Variants in RBFOX1 observed in about 807,000 individuals in gnomAD.
The protein encoded by RBFOX1 is RNA binding fox-1 homolog 1.
A neutral mutation model predicts 57.7 loss-of-function variants in RBFOX1; 8 were observed. That is an observed-to-expected ratio of 0.14 (90% CI 0.08 to 0.25). The LOEUF (loss-of-function observed/expected upper bound fraction) is 0.25, where lower values mean the gene tolerates loss of function less well. Ranked by LOEUF, RBFOX1 falls within the 10% of genes least tolerant of loss-of-function variation. RBFOX1 has a pLI of 1.00. For missense variants in RBFOX1, 611 were observed against 548.5 expected, an observed-to-expected ratio of 1.11 and a Z score of -1.14; for synonymous variants, 326 against 222.4, an observed-to-expected ratio of 1.47 and a Z score of -4.15.
intron 11 of RBFOX1, among the ~76,000 whole-genome samples, chr16:7,636,117 C>G (rs1454098922): frequency 3.3e-5 from 5 of 152,218 alleles, no homozygotes; most frequent in Admixed American, 6.5e-5. Context: ...GCCCAAGCTA[C>G]CTCTTTTTCT....
intron 4 of RBFOX1, among the ~76,000 whole-genome samples, chr16:7,307,325 C>A (rs2096213510): frequency 6.6e-6 from 1 of 152,208 alleles, no homozygotes; most frequent in Non-Finnish European, 1.5e-5. Flanking sequence ...AACATCCAAC[C>A]TTTCCTCCTA....
intron 1 of RBFOX1, among the ~76,000 whole-genome samples, chr16:6,226,124 C>A (rs1437436868): frequency 1.3e-5 from 2 of 150,752 alleles, no homozygotes; most frequent in Non-Finnish European, 2.9e-5. Flanking sequence ...CTTTGGGAGG[C>A]CGAGGTGGGA....
At chr16:6,265,595 T>C (rs764599415) in intron 1 of RBFOX1, among the ~76,000 whole-genome samples, 1 of 152,212 alleles carries the variant, frequency 6.6e-6, no homozygotes, top group Non-Finnish European at 1.5e-5. Flanking sequence ...CAACATTTAT[T>C]AAACATTTAA....
chr16:5,263,020 C>A (rs2062772438), intron 1 of RBFOX1, among the ~76,000 whole-genome samples: 1 of 150,110 alleles, frequency 6.7e-6, no homozygotes, highest in African/African-American at 2.4e-5. Context: ...GAGATCATTA[C>A]AAATCTTTGG....
chr16:5,944,790 T>TAAAAAAAA lies in RBFOX1; in HGVS notation c.351+77467_351+77474dup, dbSNP rs60749168. On this transcript the variant is annotated intron_variant, in intron 4 of 19. Coordinates refer to the RBFOX1 transcript ENST00000641259. The stretch of plus-strand genomic sequence containing the variant: ...CAACTTGGTGAAACCCTGTCTCTGC[T>TAAAAAAAA]AAAAAAAAAAAAAAAAAAATTAGCT... Among the ~76,000 whole-genome samples, 75 of 41,250 alleles carry TAAAAAAAA rather than the reference T, an allele frequency of 1.8e-3. 7 individuals carry two copies. The highest frequency in any genetic ancestry group is 0.053 in the Middle Eastern group (2 of 38). The allele number at this position is 41,250 out of a possible 152,430, so 27.1% of individuals were successfully genotyped here.
intron 5 of RBFOX1, among the ~76,000 whole-genome samples, chr16:7,525,832 G>T (rs941428677): frequency 5.9e-5 from 9 of 152,268 alleles, no homozygotes; most frequent in Admixed American, 5.9e-4. Context: ...GGGAGAAAGA[G>T]GTTGAAGATG....
At chr16:6,215,202 A>C (rs1404756358) in intron 1 of RBFOX1, among the ~76,000 whole-genome samples, 1 of 79,968 alleles carries the variant, frequency 1.3e-5, no homozygotes, top group African/African-American at 4.9e-5. Context: ...GAGGAGGATA[A>C]GGAGAGGGAG....
intron 2 of RBFOX1, among the ~76,000 whole-genome samples, chr16:6,527,945 A>G (rs2096604010): frequency 6.6e-6 from 1 of 152,066 alleles, no homozygotes; most frequent in Non-Finnish European, 1.5e-5. Context: ...CCCTTTTCCC[A>G]TGGCATCGCT....
intron 3 of RBFOX1, among the ~76,000 whole-genome samples, chr16:6,886,949 C>A (rs1182196321): frequency 6.6e-6 from 1 of 151,032 alleles, no homozygotes; most frequent in Non-Finnish European, 1.5e-5. Context: ...TCTTTGTAAT[C>A]AATTTAAAAT....
chr16:7,051,439 A>G (rs550245736), intron 3 of RBFOX1, among the ~76,000 whole-genome samples: 11 of 152,358 alleles, frequency 7.2e-5, no homozygotes, highest in African/African-American at 2.6e-4. Context: ...TGGCATATGT[A>G]TTGCTAATAC....
At chr16:6,832,650 G>A (rs1429145636) in intron 3 of RBFOX1, among the ~76,000 whole-genome samples, 1 of 152,114 alleles carries the variant, frequency 6.6e-6, no homozygotes. Context: ...TTGCTGCCAT[G>A]CCTGTGCACT....
chr16:6,311,576 T>C (rs1166452097), intron 1 of RBFOX1, among the ~76,000 whole-genome samples: 2 of 152,154 alleles, frequency 1.3e-5, no homozygotes, highest in Non-Finnish European at 2.9e-5. Context: ...TGACTGTCCT[T>C]AGAAAAGCAA....
In RBFOX1 at chr16:7,021,930, TTTTCTTTTCTTTC is replaced by T. The variant is rs1163141363; in HGVS notation, c.-15-30112_-15-30100del. On this transcript the variant is annotated intron_variant, in intron 3 of 15. Transcript: ENST00000550418. ...TTTCTTTCTTTTCTTTCTTTCTTTA[TTTTCTTTTCTTTC>T]TTTCTTTTCTTTCTCTCTCTCTCTC... Among the ~76,000 whole-genome samples the T allele has an allele frequency of 2.1e-3, 306 of 146,496 alleles. 1 individual carries two copies. The highest frequency in any genetic ancestry group is 7.5e-3 in the African/African-American group (293 of 39,004).
chr16:6,980,506 T>G (rs2088466194), intron 3 of RBFOX1, among the ~76,000 whole-genome samples: 1 of 152,194 alleles, frequency 6.6e-6, no homozygotes, highest in Non-Finnish European at 1.5e-5. Flanking sequence ...CTAGGCCCAC[T>G]GGTTATCCAT....
chr16:5,782,325 T>C (rs1200670829), intron 3 of RBFOX1, among the ~76,000 whole-genome samples: 2 of 152,210 alleles, frequency 1.3e-5, no homozygotes, highest in African/African-American at 4.8e-5. Context: ...TGGTGCTTCA[T>C]CCAAGAATGT....
chr16:6,475,068 T>C lies in RBFOX1; in HGVS notation c.-64+158011T>C, dbSNP rs923945847. On this transcript the variant is annotated intron_variant, in intron 2 of 15. Transcript: ENST00000550418. ...ACATCCCAATTGTGTGCTTATAATG[T>C]TTTAGTTCTATATGCAGTAGAAAAT... Among the ~76,000 whole-genome samples, 3 of 152,194 alleles carry C rather than the reference T, an allele frequency of 2.0e-5. No homozygotes were observed. The South Asian group carries it at 6.2e-4, about 31-fold the overall frequency.
intron 3 of RBFOX1, among the ~76,000 whole-genome samples, chr16:6,828,009 C>G (rs145390383): frequency 2.4e-3 from 363 of 152,226 alleles, no homozygotes; most frequent in African/African-American, 6.6e-3. Flanking sequence ...ATCAATTTTT[C>G]CCCAGCACAG....
intron 4 of RBFOX1, among the ~76,000 whole-genome samples, chr16:7,172,702 C>G (rs1013186811): frequency 1.3e-5 from 2 of 152,168 alleles, no homozygotes; most frequent in Admixed American, 6.5e-5. Flanking sequence ...AGAGGGGGAT[C>G]TTGACACACA....
intron 3 of RBFOX1, among the ~76,000 whole-genome samples, chr16:6,909,995 G>T (rs1243920095): frequency 6.6e-6 from 1 of 151,958 alleles, no homozygotes; most frequent in African/African-American, 2.4e-5. Flanking sequence ...TCTCTTGAAA[G>T]GTGTTGTTTG....
Sources: allele counts gnomAD v4.1 joint callset (sites outside exome capture counted in the v4.1 genomes callset), GRCh38; gene constraint gnomAD v4.1.1; transcripts MANE v1.5; gene names NCBI Gene and HGNC (gene_info 2026-07-23, HGNC 2026-07-21).